AGPAT4: variants seen among roughly 807,000 people sequenced by gnomAD.
AGPAT4 encodes 1-acyl-sn-glycerol-3-phosphate acyltransferase delta.
AGPAT4 carries 15 observed loss-of-function variants against 48.0 expected under a neutral mutation model. The ratio of observed to expected loss-of-function variants is 0.31; its 90% CI spans 0.21 to 0.48. The LOEUF is 0.48. Ranked by LOEUF, AGPAT4 falls within the 20% of genes least tolerant of loss-of-function variation. AGPAT4 has a pLI of 0.99. For missense variants in AGPAT4, 314 were observed against 482.5 expected (o/e 0.65, Z 3.27); for synonymous variants, 178 against 198.7 (o/e 0.90, Z 0.88).
Position 161,204,852 on chromosome 6 carries a change from T to A in AGPAT4, c.178+27184A>T, listed in dbSNP as rs1009099688. ...CTCCATTGTGCTACTTTGTAATGAT[T>A]ATAGAGTCAGCTATAAGAAGAATTT... On this transcript the variant is annotated intron_variant, in intron 2 of 8. Coordinates refer to ENST00000320285, the MANE Select transcript of AGPAT4 (RefSeq NM_020133.3). This position sits in a 1 kb window ranked among gnomAD's most constrained non-coding sequence, Gnocchi z 4.4. Among the ~76,000 whole-genome samples the A allele has an allele frequency of 6.6e-6, 1 of 152,208 alleles. No homozygotes were observed. The highest frequency in any genetic ancestry group is 1.5e-5 in the Non-Finnish European group (1 of 68,044).
rs749013 is a variant in AGPAT4, at chr6:161,149,171, A to G, written c.767+16T>C. The G allele has an allele frequency of 4.4e-6, 7 of 1,608,580 alleles. No individual in the cohort carries two copies. The highest frequency in any genetic ancestry group is 2.2e-5 in the East Asian group (1 of 44,868). ...ATGGGCACTGTCTTTTCTGGAAAGG[A>G]AACAGTTCGACTTACCTAACATACA... On this transcript the variant is annotated intron_variant, in intron 6 of 8. Transcript: ENST00000320285. This position sits in a 1 kb window ranked among gnomAD's most constrained non-coding sequence, Gnocchi z 6.5.
Position 161,161,875 on chromosome 6 carries a change from C to G in AGPAT4, c.348+4373G>C. 4.0e-6 allele frequency: 1 copy of G among 251,496 alleles called. No homozygotes were observed. The highest frequency in any genetic ancestry group is 7.9e-6 in the Non-Finnish European group (1 of 126,178). The allele number at this position is 251,496 out of a possible 1,614,324, so 15.6% of individuals were successfully genotyped here. ...GCACAGGGCTTTATGGGCGCCCTCACGCACAGGCACTCTGCCTAGGAGGGA... is the reference window on the plus strand; with the variant it reads ...GCACAGGGCTTTATGGGCGCCCTCAGGCACAGGCACTCTGCCTAGGAGGGA... On this transcript the variant is annotated intron_variant, in intron 3 of 8. Transcript: ENST00000320285. The surrounding 1 kb of genome is among the most constrained non-coding windows in gnomAD (Gnocchi z 4.6).
chr6:161,205,068 CTG>C (rs1330150279), intron 2 of AGPAT4, among the ~76,000 whole-genome samples: 12 of 152,296 alleles, frequency 7.9e-5, no homozygotes, highest in African/African-American at 2.9e-4. Context: ...TGCAGGCACT[CTG>C]TGCTGGAAGG....
Position 161,140,915 on chromosome 6 carries a change from G to A in AGPAT4, c.844-1295C>T, listed in dbSNP as rs1779229640. Among the ~76,000 whole-genome samples, 1 of 152,240 alleles carries A rather than the reference G, an allele frequency of 6.6e-6. No homozygotes were observed. Among genetic ancestry groups the A allele is most frequent in the Non-Finnish European group, 1.5e-5 (1 of 68,044 alleles). The stretch of plus-strand genomic sequence containing the variant: ...CAGTGAGGCCCAGTTTGTGTCCCAT[G>A]AACTAGCCTAGTAATGTCCCAGTTC... On this transcript the variant is annotated intron_variant, in intron 7 of 8. Coordinates refer to ENST00000320285, the MANE Select transcript of AGPAT4 (RefSeq NM_020133.3). This position sits in a 1 kb window ranked among gnomAD's most constrained non-coding sequence, Gnocchi z 6.5.
chr6:161,199,562 C>T (rs1168103114), intron 2 of AGPAT4, among the ~76,000 whole-genome samples: 6 of 152,106 alleles, frequency 3.9e-5, no homozygotes, highest in Non-Finnish European at 8.8e-5. Context: ...GCATGTGATA[C>T]GGTTTGGCTC....
At chr6:161,256,390 A>G (rs1782944626) in intron 1 of AGPAT4, among the ~76,000 whole-genome samples, 1 of 152,226 alleles carries the variant, frequency 6.6e-6, no homozygotes, top group Admixed American at 6.5e-5. Context: ...TCGGTGGATC[A>G]AATATTTTGT....
rs1782463356 is a variant in AGPAT4, at chr6:161,240,902, G to T, written c.-89-8600C>A. 6.6e-6 allele frequency among the ~76,000 whole-genome samples: 1 copy of T among 152,188 alleles called. No homozygotes were observed. Among genetic ancestry groups the T allele is most frequent in the Non-Finnish European group, 1.5e-5 (1 of 68,038 alleles). ...CTAATTCCTACAACCAAACAGGAGA[G>T]AAAGTATTCTAGACTGGATTTAACT... On this transcript the variant is annotated intron_variant, in intron 1 of 8. Coordinates refer to ENST00000320285, the MANE Select transcript of AGPAT4 (RefSeq NM_020133.3). The surrounding 1 kb of genome is among the most constrained non-coding windows in gnomAD (Gnocchi z 5.5).
chr6:161,183,404 A>C (rs889096451), intron 2 of AGPAT4, among the ~76,000 whole-genome samples: 6 of 151,790 alleles, frequency 4.0e-5, no homozygotes, highest in African/African-American at 1.2e-4. Flanking sequence ...CGGAGCACTT[A>C]AGGCCAGGAG....
Position 161,161,232 on chromosome 6 carries a change from C to T in AGPAT4, c.348+5016G>A, listed in dbSNP as rs1447344071. On this transcript the variant is annotated intron_variant, in intron 3 of 8. Coordinates refer to ENST00000320285, the MANE Select transcript of AGPAT4 (RefSeq NM_020133.3). The surrounding 1 kb of genome is among the most constrained non-coding windows in gnomAD (Gnocchi z 4.6). ...AAGAAGAAGACCCCGGTGTGTCCAA[C>T]GTGGGACCGGACTTTTACAGATGAG... is the stretch of plus-strand genomic sequence containing the variant. 4.4e-6 allele frequency: 2 copies of T among 456,608 alleles called. No homozygotes were observed. The highest frequency in any genetic ancestry group is 2.0e-5 in the African/African-American group (1 of 50,094). The allele number at this position is 456,608 out of a possible 1,614,324, so 28.3% of individuals were successfully genotyped here.
In AGPAT4 at chr6:161,238,719, C is replaced by G. The variant is rs544467089; in HGVS notation, c.-89-6417G>C. Reference sequence around the variant, plus strand: ...TGTAGTTCCCATAATCTCCACATGTCGTGGGAGGGAACCAGTGGGAGGTAA... The same window carrying G: ...TGTAGTTCCCATAATCTCCACATGTGGTGGGAGGGAACCAGTGGGAGGTAA... On this transcript the variant is annotated intron_variant, in intron 1 of 8. Coordinates refer to ENST00000320285, the MANE Select transcript of AGPAT4 (RefSeq NM_020133.3). This position sits in a 1 kb window ranked among gnomAD's most constrained non-coding sequence, Gnocchi z 5.2. Among the ~76,000 whole-genome samples the G allele has an allele frequency of 6.6e-6, 1 of 152,108 alleles. No individual in the cohort carries two copies.
At position 161,189,884 on chromosome 6, in the gene AGPAT4, T is replaced by C. The variant is rs868470429; in HGVS notation, c.179-23467A>G. ...GTCTTATCAGTTCTGAAATGCTCCG[T>C]TGGTTCACATTTTAACATGCTGAAA... On this transcript the variant is annotated intron_variant, in intron 2 of 8. Transcript: ENST00000320285. This position sits in a 1 kb window ranked among gnomAD's most constrained non-coding sequence, Gnocchi z 5.3. Among the ~76,000 whole-genome samples the C allele has an allele frequency of 6.6e-6, 1 of 152,336 alleles. No individual in the cohort carries two copies. Among genetic ancestry groups the C allele is most frequent in the Middle Eastern group, 3.4e-3 (1 of 294 alleles).
Position 161,159,251 on chromosome 6 carries a change from C to T in AGPAT4, c.349-4941G>A, listed in dbSNP as rs189610103. Among the ~76,000 whole-genome samples, 21 of 152,266 alleles carry T rather than the reference C, an allele frequency of 1.4e-4. 1 individual carries two copies. The highest frequency in any genetic ancestry group is 2.9e-4 in the Non-Finnish European group (20 of 68,016). On this transcript the variant is annotated intron_variant, in intron 3 of 8. Coordinates refer to ENST00000320285, the MANE Select transcript of AGPAT4 (RefSeq NM_020133.3). The surrounding 1 kb of genome is among the most constrained non-coding windows in gnomAD (Gnocchi z 4.1). ...TCCATTCTGATGTATGGTGCATAAG[C>T]GCATCAGATTGGAATCTTCAACCCA...
At position 161,170,332 on chromosome 6, in the gene AGPAT4, C is replaced by G. The variant is rs557076877; in HGVS notation, c.179-3915G>C. 4.1e-4 allele frequency among the ~76,000 whole-genome samples: 63 copies of G among 152,220 alleles called. 1 individual carries two copies. The highest frequency in any genetic ancestry group is 1.4e-3 in the African/African-American group (59 of 41,528). ...CCAGTGGTTTAGCTTCTTATTGAAC[C>G]CTGACCGAGAGACACTTCCTCTTTA... On this transcript the variant is annotated intron_variant, in intron 2 of 8. Transcript: ENST00000320285.
At position 161,134,654 on chromosome 6, in the gene AGPAT4, TA is replaced by T. The variant is rs1019533929; in HGVS notation, c.*1885del. ...AGCTGCAGAGTTCAGGTGAATGGCG[TA>T]ACTCAGCATCACGGACCCCTCCGAG... On this transcript the variant is annotated 3_prime_UTR_variant, in exon 9 of 9. Coordinates refer to ENST00000320285, the MANE Select transcript of AGPAT4 (RefSeq NM_020133.3). 3.3e-5 allele frequency: 5 copies of T among 152,104 alleles called. No homozygotes were observed. The allele number at this position is 152,104 out of a possible 1,614,324, so 9.4% of individuals were successfully genotyped here.
rs1373301748 is a variant in AGPAT4, at chr6:161,159,746, C to T, written c.349-5436G>A. ...GCAATCTCTGCCTCCCGGGTTCAAG[C>T]GATTCTCCTGCCTCAGCCTCCGGAG... On this transcript the variant is annotated intron_variant, in intron 3 of 8. Transcript: ENST00000320285. The surrounding 1 kb of genome is among the most constrained non-coding windows in gnomAD (Gnocchi z 4.1). Among the ~76,000 whole-genome samples the T allele has an allele frequency of 6.6e-6, 1 of 151,846 alleles. No individual in the cohort carries two copies. Among genetic ancestry groups the T allele is most frequent in the Non-Finnish European group, 1.5e-5 (1 of 68,000 alleles).
rs533397953 is a variant in AGPAT4 at position 161,156,651 on chromosome 6, G to A, written c.349-2341C>T. On this transcript the variant is annotated intron_variant, in intron 3 of 8. Transcript: ENST00000320285. Reference sequence around the variant, plus strand: ...GTTGTTGCTGGGCTGTTGGGAACAGGCCCCCAAAATCTGGCCATAAACTGG... The same window carrying A: ...GTTGTTGCTGGGCTGTTGGGAACAGACCCCCAAAATCTGGCCATAAACTGG... Among the ~76,000 whole-genome samples, 32 of 152,288 alleles carry A rather than the reference G, an allele frequency of 2.1e-4. No homozygotes were observed. In the East Asian group the frequency reaches 5.8e-3, roughly 28 times the overall value.
In AGPAT4 at chr6:161,261,913, G is replaced by A. The variant is rs772133669; in HGVS notation, c.-90+12025C>T. On this transcript the variant is annotated intron_variant, in intron 1 of 8. Coordinates refer to ENST00000320285, the MANE Select transcript of AGPAT4 (RefSeq NM_020133.3). This position sits in a 1 kb window ranked among gnomAD's most constrained non-coding sequence, Gnocchi z 5.3. ...GGCTCCTGGGCCAGAGACCCAGTTT[G>A]CCTGTATGAGCTGTGCAGCCCTGGG... Among the ~76,000 whole-genome samples, 1 of 152,162 alleles carries A rather than the reference G, an allele frequency of 6.6e-6. No homozygotes were observed. Among genetic ancestry groups the A allele is most frequent in the Non-Finnish European group, 1.5e-5 (1 of 68,036 alleles).
At chr6:161,227,510 G>C (rs1252573319) in intron 2 of AGPAT4, among the ~76,000 whole-genome samples, 1 of 152,194 alleles carries the variant, frequency 6.6e-6, no homozygotes, top group African/African-American at 2.4e-5. Flanking sequence ...ACAGGTTCTA[G>C]TAATCACATG....
chr6:161,232,738 C>T lies in AGPAT4; in HGVS notation c.-89-436G>A, dbSNP rs568685006. 4.6e-5 allele frequency among the ~76,000 whole-genome samples: 7 copies of T among 152,298 alleles called. No individual in the cohort carries two copies. Among genetic ancestry groups the T allele is most frequent in the Admixed American group, 1.3e-4 (2 of 15,310 alleles). ...CCCCATTCTCTCACCCCTAGCCCCA[C>T]GCCATCTCCCTCCTCTCATTCTCCT... is the stretch of plus-strand genomic sequence containing the variant. On this transcript the variant is annotated intron_variant, in intron 1 of 8. Coordinates refer to ENST00000320285, the MANE Select transcript of AGPAT4 (RefSeq NM_020133.3). The surrounding 1 kb of genome is among the most constrained non-coding windows in gnomAD (Gnocchi z 6.8).
Sources: allele counts gnomAD v4.1 joint callset (sites outside exome capture counted in the v4.1 genomes callset), GRCh38; gene constraint gnomAD v4.1.1; non-coding constraint Gnocchi (gnomAD v3.1); transcripts MANE v1.5; gene names NCBI Gene and HGNC (gene_info 2026-07-23, HGNC 2026-07-21).